Variants in CEP128 observed in about 807,000 individuals in gnomAD.
The protein encoded by CEP128 is centrosomal protein 128kDa.
Under a neutral mutation model 156.7 loss-of-function variants are expected in CEP128, and 132 were observed. The observed-to-expected ratio is 0.84, with a 90% CI of 0.73 to 0.97. The LOEUF (loss-of-function observed/expected upper bound fraction) is 0.97, where lower values mean the gene tolerates loss of function less well. CEP128 is among the 50% of genes least tolerant of loss of function. CEP128 has a pLI of 0.00. For missense variants in CEP128, 1,252 were observed against 1,281.9 expected (o/e 0.98, Z 0.36); for synonymous variants, 469 against 448.9 (o/e 1.04, Z -0.57).
rs1491479426 is a variant in CEP128, at chr14:80,656,279, T to TTATTTATATA, written c.2807-75857_2807-75856insTATATAAATA. On this transcript the variant is annotated intron_variant, in intron 19 of 24. Coordinates refer to ENST00000555265, the MANE Select transcript of CEP128 (RefSeq NM_152446.5). ...TTTCTCAATAAACCTAAGTTTTTATTTATATATATATTTATATATATATAT... is the reference window on the plus strand; with the variant it reads ...TTTCTCAATAAACCTAAGTTTTTATTTATTTATATATATATATATATTTATATATATATAT... Among the ~76,000 whole-genome samples the TTATTTATATA allele has an allele frequency of 8.0e-3, 377 of 47,114 alleles. 18 individuals are homozygous for TTATTTATATA. The highest frequency in any genetic ancestry group is 0.028 in the African/African-American group (352 of 12,450). The allele number at this position is 47,114 out of a possible 152,430, so 30.9% of individuals were successfully genotyped here. A position where few individuals can be genotyped will look rare whatever the true frequency, so the allele number is the denominator to read the frequency against.
In CEP128 at chr14:80,775,087, T is replaced by C. The variant is rs143596353; in HGVS notation, c.2376+2795A>G. Among the ~76,000 whole-genome samples the C allele has an allele frequency of 2.6e-3, 403 of 152,302 alleles. 4 individuals carry two copies. Among genetic ancestry groups the C allele is most frequent in the African/African-American group, 9.3e-3 (387 of 41,568 alleles). ...TGGAAACATAACAATAACAAAATAA[T>C]GGCAGCTACCATTAACTGATATCTT... On this transcript the variant is annotated intron_variant, in intron 16 of 24. Transcript: ENST00000555265.
Position 80,891,500 on chromosome 14 carries a change from A to G in CEP128, c.645+4218T>C, listed in dbSNP as rs539918430. 2.4e-3 allele frequency among the ~76,000 whole-genome samples: 361 copies of G among 151,812 alleles called. 3 individuals are homozygous for G. Among genetic ancestry groups the G allele is most frequent in the African/African-American group, 8.3e-3 (342 of 41,444 alleles). ...AGGAGCTAAAAATTAAGACAGTCAAATTCACAGAGAGTACAAGGATTGATT... is the reference window on the plus strand; with the variant it reads ...AGGAGCTAAAAATTAAGACAGTCAAGTTCACAGAGAGTACAAGGATTGATT... On this transcript the variant is annotated intron_variant, in intron 8 of 24. Transcript: ENST00000555265.
chr14:80,714,884 A>G (rs1897546479), intron 19 of CEP128, among the ~76,000 whole-genome samples: 2 of 152,188 alleles, frequency 1.3e-5, no homozygotes. Flanking sequence ...ACCAACTGAA[A>G]GGCACCACAA....
chr14:80,920,720 T>C (rs557180068), intron 2 of CEP128, among the ~76,000 whole-genome samples: 27 of 152,332 alleles, frequency 1.8e-4, no homozygotes, highest in Middle Eastern at 3.4e-3. Flanking sequence ...AGAAATATAA[T>C]TTAAACAATA....
chr14:80,819,130 A>G (rs1885023417), intron 13 of CEP128, among the ~76,000 whole-genome samples: 3 of 151,810 alleles, frequency 2.0e-5, no homozygotes, highest in Admixed American at 2.0e-4. Flanking sequence ...TCTGAATACT[A>G]TCTTGCATGG....
At chr14:80,602,461 A>T (rs1373621185) in intron 19 of CEP128, among the ~76,000 whole-genome samples, 1 of 152,194 alleles carries the variant, frequency 6.6e-6, no homozygotes, top group Non-Finnish European at 1.5e-5. Context: ...ATGATAGGCC[A>T]TCAATAATGT....
intron 18 of CEP128, among the ~76,000 whole-genome samples, chr14:80,750,482 T>A (rs977067359): frequency 2.0e-5 from 3 of 152,226 alleles, no homozygotes; most frequent in African/African-American, 7.2e-5. Flanking sequence ...TTCAAATGTT[T>A]GCTACCAATT....
chr14:80,754,420 A>G (rs144068397), intron 18 of CEP128, among the ~76,000 whole-genome samples: 75 of 128,126 alleles, frequency 5.9e-4, no homozygotes, highest in Non-Finnish European at 9.6e-4. Flanking sequence ...TTATCTGCAT[A>G]TTGTCTGTCT....
chr14:80,607,392 A>G (rs1595081234), intron 19 of CEP128, among the ~76,000 whole-genome samples: 1 of 152,302 alleles, frequency 6.6e-6, no homozygotes, highest in East Asian at 1.9e-4. Flanking sequence ...ATTCAAAAGA[A>G]AATATAGGCT....
At chr14:80,619,707 TAAAAA>T in intron 19 of CEP128, among the ~76,000 whole-genome samples, 1 of 99,406 alleles carries the variant, frequency 1.0e-5, no homozygotes, top group East Asian at 3.0e-4. Context: ...TGTCTCAAGT[TAAAAA>T]AAAAAAAAAA....
At chr14:80,509,245 C>G (rs983708541) in intron 23 of CEP128, among the ~76,000 whole-genome samples, 4 of 152,174 alleles carry the variant, frequency 2.6e-5, no homozygotes, top group African/African-American at 9.7e-5. Context: ...AGTGGCTGTA[C>G]TAATATACAT....
intron 18 of CEP128, among the ~76,000 whole-genome samples, chr14:80,748,328 C>T (rs1178021329): frequency 1.3e-5 from 2 of 152,204 alleles, no homozygotes; most frequent in East Asian, 1.9e-4. Flanking sequence ...ACAGGGTCAA[C>T]TCTTTGCCAG....
chr14:80,656,279 TTATATATATATTTATATATATATATA>T lies in CEP128; in HGVS notation c.2807-75882_2807-75857del, dbSNP rs1195902595. Among the ~76,000 whole-genome samples the T allele has an allele frequency of 1.8e-3, 84 of 47,106 alleles. 4 individuals carry two copies. Among genetic ancestry groups the T allele is most frequent in the Middle Eastern group, 0.013 (1 of 76 alleles). The allele number at this position is 47,106 out of a possible 152,430, so 30.9% of individuals were successfully genotyped here. A position where few individuals can be genotyped will look rare whatever the true frequency, so the allele number is the denominator to read the frequency against. ...TTTCTCAATAAACCTAAGTTTTTAT[TTATATATATATTTATATATATATATA>T]TATATATATATATATATATATATAT... On this transcript the variant is annotated intron_variant, in intron 19 of 24. Coordinates refer to ENST00000555265, the MANE Select transcript of CEP128 (RefSeq NM_152446.5).
chr14:80,943,116 T>A (rs1221530919), upstream of CEP128, among the ~76,000 whole-genome samples: 7 of 152,250 alleles, frequency 4.6e-5, no homozygotes, highest in Non-Finnish European at 8.8e-5. Flanking sequence ...AATAACTGTT[T>A]ATTTGTAAAC....
intron 14 of CEP128, among the ~76,000 whole-genome samples, chr14:80,789,332 A>G (rs1255335513): frequency 6.6e-6 from 1 of 152,116 alleles, no homozygotes; most frequent in African/African-American, 2.4e-5. Context: ...AAGATCAGAG[A>G]CTGAGCTTCG....
At chr14:80,751,062 G>A (rs1395442864) in intron 18 of CEP128, among the ~76,000 whole-genome samples, 1 of 152,218 alleles carries the variant, frequency 6.6e-6, no homozygotes, top group Non-Finnish European at 1.5e-5. Flanking sequence ...GAGCCAGGAA[G>A]AGAGGTCTCA....
At chr14:80,676,450 T>A (rs1039991943) in intron 19 of CEP128, among the ~76,000 whole-genome samples, 4 of 151,110 alleles carry the variant, frequency 2.6e-5, no homozygotes, top group African/African-American at 9.7e-5. Context: ...TGTGATTTTT[T>A]TTAAAAAAAA....
rs183393128 is a variant in CEP128 at position 80,929,022 on chromosome 14, T to A, written c.-16+10363A>T. ...AGAATCTACAAGGAACTCAAACATA[T>A]CAGAAAAAAAAAAGTAATCCTATTA... On this transcript the variant is annotated intron_variant, in intron 2 of 24. Transcript: ENST00000555265. Among the ~76,000 whole-genome samples the A allele has an allele frequency of 3.0e-3, 443 of 146,446 alleles. 2 individuals are homozygous for A. Among genetic ancestry groups the A allele is most frequent in the Middle Eastern group, 0.015 (4 of 272 alleles).
chr14:80,580,387 A>G lies in CEP128; in HGVS notation c.2843T>C (p.Met948Thr). 5 of 1,600,280 alleles carry G rather than the reference A, an allele frequency of 3.1e-6. No individual in the cohort carries two copies. Among genetic ancestry groups the G allele is most frequent in the Non-Finnish European group, 4.3e-6 (5 of 1,169,120 alleles). ...LEETQRKDEE[M>T]GSLQDRVIAL... ...TTAAGAATTTACCTGCAGAGATCCCATTTCTTCATCTTTTCTTTGGGTCTC... is the reference window on the plus strand; with the variant it reads ...TTAAGAATTTACCTGCAGAGATCCCGTTTCTTCATCTTTTCTTTGGGTCTC... The change falls in exon 20 of 25, where the codon ATG (methionine) becomes ACG (threonine). Residue 948 changes from methionine (M) to threonine (T), a missense_variant. Transcript: ENST00000555265.
Sources: allele counts gnomAD v4.1 joint callset (sites outside exome capture counted in the v4.1 genomes callset), GRCh38; gene constraint gnomAD v4.1.1; transcripts MANE v1.5; gene names NCBI Gene and HGNC (gene_info 2026-07-23, HGNC 2026-07-21).